LMO7: variants seen among roughly 807,000 people sequenced by gnomAD.
LMO7 encodes LIM domain only protein 7.
LMO7 carries 120 observed loss-of-function variants against 206.5 expected under a neutral mutation model. The ratio of observed to expected loss-of-function variants is 0.58; its 90% CI spans 0.50 to 0.68. The LOEUF (loss-of-function observed/expected upper bound fraction) is 0.68. Ranked by LOEUF, LMO7 falls within the 30% of genes least tolerant of loss-of-function variation. The pLI, the probability that LMO7 is intolerant of heterozygous loss-of-function variation, is 0.00. For synonymous variants in LMO7, 706 were observed against 681.5 expected (o/e 1.04, Z -0.56); for missense variants, 1,959 against 1,957.9 (o/e 1.00, Z -0.01).
At position 75,850,043 on chromosome 13, in the gene LMO7, G is replaced by A. The variant is rs554493388; in HGVS notation, c.4364+751G>A. Among the ~76,000 whole-genome samples the A allele has an allele frequency of 1.3e-3, 194 of 152,254 alleles. 1 individual carries two copies. The highest frequency in any genetic ancestry group is 4.5e-3 in the African/African-American group (185 of 41,554). ...TGAGGCAGGAGAATCACTGGAACCC[G>A]TGAGGCAGAGGTTGCAGTGAGCTGA... On this transcript the variant is annotated intron_variant, in intron 27 of 30. Transcript: ENST00000377534.
intron 25 of LMO7, among the ~76,000 whole-genome samples, chr13:75,843,334 A>G (rs1461127959): frequency 6.6e-6 from 1 of 152,148 alleles, no homozygotes; most frequent in East Asian, 1.9e-4. Flanking sequence ...AAAGAGAATT[A>G]AAGAGAGGAA....
chr13:75,847,395 T>A (rs9573670), intron 26 of LMO7, among the ~76,000 whole-genome samples: 8,206 of 152,302 alleles, frequency 0.054, 339 homozygotes, highest in African/African-American at 0.12. Context: ...TATAGTTCTG[T>A]CAGCTTCTTA....
chr13:75,675,599 GCT>G (rs2039937084), intron 1 of LMO7, among the ~76,000 whole-genome samples: 1 of 152,078 alleles, frequency 6.6e-6, no homozygotes, highest in Admixed American at 6.5e-5. Context: ...TTAGGAAGCT[GCT>G]CTCTCTCCTG....
In LMO7 at chr13:75,835,238, C is replaced by A. The variant is rs41287010; in HGVS notation, c.3232C>A (p.Pro1078Thr). The change falls in exon 18 of 31, where the codon CCT (proline) becomes ACT (threonine). Residue 1078 changes from proline (P) to threonine (T), a missense_variant. Physicochemically the swap from Pro to Thr is conservative, Grantham distance 38 (BLOSUM62 -1). Coordinates refer to ENST00000377534, the MANE Select transcript of LMO7 (RefSeq NM_001306080.2). ...DVRRYGKAGS[P>T]ETKWIDATSG... ...TATGGCTACCAAAATTATAGGTTCACCTGAAACAAAGTGGATTGATGCAAC... is the reference window on the plus strand; with the variant it reads ...TATGGCTACCAAAATTATAGGTTCAACTGAAACAAAGTGGATTGATGCAAC... 4.3e-6 allele frequency: 7 copies of A among 1,611,886 alleles called. No homozygotes were observed. The highest frequency in any genetic ancestry group is 5.9e-6 in the Non-Finnish European group (7 of 1,178,872).
intron 17 of LMO7, among the ~76,000 whole-genome samples, chr13:75,834,866 C>T (rs1014744335): frequency 6.6e-6 from 1 of 152,158 alleles, no homozygotes; most frequent in Non-Finnish European, 1.5e-5. Flanking sequence ...CATTAAGCCT[C>T]TGCAGACCTA....
chr13:75,805,777 G>A lies in LMO7; in HGVS notation c.1196+17G>A, dbSNP rs1229946594. 6.2e-7 allele frequency: 1 copy of A among 1,610,732 alleles called. No homozygotes were observed. ...GGGATTCAGGTTTGTCGTTGTGCATGTTTCTGTCACACCAGTGTTCATTCA... is the reference window on the plus strand; with the variant it reads ...GGGATTCAGGTTTGTCGTTGTGCATATTTCTGTCACACCAGTGTTCATTCA... On this transcript the variant is annotated intron_variant, in intron 9 of 30. Transcript: ENST00000377534.
chr13:75,688,298 A>G (rs1026834059), intron 1 of LMO7, among the ~76,000 whole-genome samples: 16 of 152,228 alleles, frequency 1.1e-4, no homozygotes, highest in African/African-American at 3.9e-4. Flanking sequence ...GTAGGTCTAT[A>G]TAATTGTTAA....
chr13:75,776,474 T>C (rs2050515269), intron 4 of LMO7, among the ~76,000 whole-genome samples: 1 of 151,960 alleles, frequency 6.6e-6, no homozygotes, highest in Non-Finnish European at 1.5e-5. Flanking sequence ...AATTATATGA[T>C]TTGAAAGCTT....
intron 24 of LMO7, 114 bp downstream of exon 24, chr13:75,842,097 A>C: frequency 1.4e-6 from 1 of 734,456 alleles, no homozygotes; most frequent in South Asian, 2.0e-5. Context: ...AAGTGAATAC[A>C]AGCCACCAAA....
intron 4 of LMO7, among the ~76,000 whole-genome samples, chr13:75,765,632 G>A (rs1162846100): frequency 2.0e-5 from 3 of 151,990 alleles, no homozygotes; most frequent in African/African-American, 7.2e-5. Context: ...AAGACCATTG[G>A]CAAAAATGTA....
At chr13:75,663,416 C>CTTTT (rs2139288544) in intron 1 of LMO7, among the ~76,000 whole-genome samples, 1 of 89,688 alleles carries the variant, frequency 1.1e-5, no homozygotes, top group Admixed American at 1.4e-4. Flanking sequence ...TTTTTTCTTT[C>CTTTT]TTTCTTTCTT....
At chr13:75,696,268 TGGCTTGAACCTGGGA>T (rs2041895293) in intron 1 of LMO7, among the ~76,000 whole-genome samples, 1 of 152,112 alleles carries the variant, frequency 6.6e-6, no homozygotes, top group Non-Finnish European at 1.5e-5. Flanking sequence ...GGCAGGAGAA[TGGCTTGAACCTGGGA>T]GGCGCAGGTT....
chr13:75,789,694 C>T (rs1005317542), intron 4 of LMO7, among the ~76,000 whole-genome samples: 12 of 152,120 alleles, frequency 7.9e-5, no homozygotes, highest in African/African-American at 2.9e-4. Flanking sequence ...ATAGTATGCT[C>T]TAAACATACC....
At chr13:75,838,366 C>A in intron 20 of LMO7, 170 bp downstream of exon 20, 1 of 1,467,412 alleles carries the variant, frequency 6.8e-7, no homozygotes, top group South Asian at 1.2e-5. Flanking sequence ...GCTTTTCTTA[C>A]AGTTCATGGG....
intron 4 of LMO7, among the ~76,000 whole-genome samples, chr13:75,771,835 G>A (rs1391736742): frequency 6.6e-6 from 1 of 152,096 alleles, no homozygotes; most frequent in East Asian, 1.9e-4. Context: ...AGACCAAATT[G>A]TAAGCAGAAA....
At chr13:75,766,605 T>C (rs1018238239) in intron 4 of LMO7, among the ~76,000 whole-genome samples, 1 of 40,818 alleles carries the variant, frequency 2.4e-5, no homozygotes, top group Non-Finnish European at 4.6e-5. Flanking sequence ...TATGTAAAGA[T>C]AAATGCACAG....
intron 14 of LMO7, among the ~76,000 whole-genome samples, chr13:75,822,917 A>G (rs965452801): frequency 6.6e-6 from 1 of 151,416 alleles, no homozygotes; most frequent in African/African-American, 2.4e-5. Context: ...ATAAAGAGTT[A>G]TAGATATTTG....
At chr13:75,626,595 A>ATATATATATATATATTTTTTTTTTTTTT in intron 2 of LMO7, among the ~76,000 whole-genome samples, 3 of 71,178 alleles carry the variant, frequency 4.2e-5, no homozygotes, top group East Asian at 1.2e-3. Flanking sequence ...ATATATATAA[A>ATATATATATATATATTTTTTTTTTTTTT]TTTTTTTGAG....
intron 4 of LMO7, among the ~76,000 whole-genome samples, chr13:75,786,671 C>G (rs1182406549): frequency 1.3e-5 from 2 of 152,166 alleles, no homozygotes; most frequent in African/African-American, 2.4e-5. Flanking sequence ...AGGCGTGAGC[C>G]ACCGCGCCCG....
Sources: gnomAD v4.1 joint callset for allele counts (sites outside exome capture counted in the v4.1 genomes callset) on GRCh38, gnomAD v4.1.1 for gene constraint, MANE v1.5 for transcripts, NCBI Gene and HGNC (gene_info 2026-07-23, HGNC 2026-07-21) for gene names.